LY86: variants seen among roughly 807,000 people sequenced by gnomAD.
LY86 encodes the protein lymphocyte antigen 86.
LY86 carries 20 observed loss-of-function variants against 17.3 expected under a neutral mutation model. The observed-to-expected ratio is 1.15, with a 90% confidence interval of 0.81 to 1.68. The LOEUF is 1.68. Among genes scored for constraint, LY86 ranks in the 40% most tolerant of loss-of-function variants. The probability of loss-of-function intolerance (pLI) is 0.00; values close to 1 mark genes in which losing one functional copy is unlikely to be tolerated. For synonymous variants in LY86, 74 were observed against 70.6 expected, an observed-to-expected ratio of 1.05 and a Z score of -0.24; for missense variants, 200 against 191.9, an observed-to-expected ratio of 1.04 and a Z score of -0.25.
At chr6:6,639,587 G>A (rs570617900) in intron 3 of LY86, among the ~76,000 whole-genome samples, 319 of 152,110 alleles carry the variant, frequency 2.1e-3, no homozygotes, top group Non-Finnish European at 3.8e-3. Flanking sequence ...TGCGTTCCTC[G>A]GCCCGTAGTG....
chr6:6,614,321 G>C (rs1403759590), intron 1 of LY86, among the ~76,000 whole-genome samples: 1 of 151,780 alleles, frequency 6.6e-6, no homozygotes, highest in East Asian at 1.9e-4. Flanking sequence ...GATGTTGCTT[G>C]TCTCTTAAGT....
At chr6:6,647,283 G>C (rs1387067122) in intron 3 of LY86, among the ~76,000 whole-genome samples, 2 of 152,052 alleles carry the variant, frequency 1.3e-5, no homozygotes, top group African/African-American at 4.8e-5. Flanking sequence ...TCCCTCTTCT[G>C]CATCTTCAAT....
At chr6:6,605,997 C>G (rs932916909) in intron 1 of LY86, among the ~76,000 whole-genome samples, 2 of 152,052 alleles carry the variant, frequency 1.3e-5, no homozygotes, top group Non-Finnish European at 2.9e-5. Flanking sequence ...AAATTTACTG[C>G]GAAAAGCAAA....
rs116160173 is a variant in LY86 at position 6,591,776 on chromosome 6, G to T, written c.136+2906G>T. On this transcript the variant is annotated intron_variant, in intron 1 of 4. Transcript: ENST00000230568. ...CAGCCTGCCTGACTCCAGAACCCAT[G>T]CTCTAAAACTCCCTGTGGTCTAGAG... is the stretch of plus-strand genomic sequence containing the variant. 2.4e-3 allele frequency among the ~76,000 whole-genome samples: 366 copies of T among 152,286 alleles called. 1 individual carries two copies. The highest frequency in any genetic ancestry group is 8.4e-3 in the African/African-American group (348 of 41,560).
intron 1 of LY86, among the ~76,000 whole-genome samples, chr6:6,604,427 C>A (rs1044471696): frequency 1.4e-4 from 21 of 151,942 alleles, no homozygotes; most frequent in African/African-American, 5.1e-4. Flanking sequence ...TAAAATGCAA[C>A]ATTTAATTGT....
chr6:6,624,032 A>G (rs1761733983), intron 1 of LY86, among the ~76,000 whole-genome samples: 1 of 152,242 alleles, frequency 6.6e-6, no homozygotes, highest in African/African-American at 2.4e-5. Context: ...TTCACAAAGA[A>G]GATGGGAATG....
chr6:6,641,819 G>T (rs569846852), intron 3 of LY86, among the ~76,000 whole-genome samples: 1 of 152,216 alleles, frequency 6.6e-6, no homozygotes, highest in Non-Finnish European at 1.5e-5. Flanking sequence ...GGGGTGGGTT[G>T]TACACTGGGC....
At chr6:6,636,093 G>A (rs191586039) in intron 3 of LY86, among the ~76,000 whole-genome samples, 2 of 152,272 alleles carry the variant, frequency 1.3e-5, no homozygotes, top group East Asian at 3.9e-4. Context: ...TCGTACATCA[G>A]GTGGGGAGTC....
At chr6:6,625,890 A>C (rs894366514) in intron 2 of LY86, among the ~76,000 whole-genome samples, 1 of 152,234 alleles carries the variant, frequency 6.6e-6, no homozygotes, top group Non-Finnish European at 1.5e-5. Flanking sequence ...CTGTGCTGCA[A>C]TACCTCCCTG....
intron 1 of LY86, among the ~76,000 whole-genome samples, chr6:6,617,814 G>GT (rs928630398): frequency 6.6e-6 from 1 of 152,032 alleles, no homozygotes; most frequent in Non-Finnish European, 1.5e-5. Flanking sequence ...AGTGCATTTG[G>GT]TTTTTTTGTT....
intron 1 of LY86, among the ~76,000 whole-genome samples, chr6:6,612,480 C>A (rs538572040): frequency 6.6e-6 from 1 of 151,928 alleles, no homozygotes; most frequent in African/African-American, 2.4e-5. Flanking sequence ...AATGCAGACC[C>A]AAAGTGTAAA....
intron 3 of LY86, among the ~76,000 whole-genome samples, chr6:6,640,132 A>G (rs1762017253): frequency 6.6e-6 from 1 of 152,074 alleles, no homozygotes; most frequent in Non-Finnish European, 1.5e-5. Context: ...ACCAGAGGAG[A>G]AATGATTTGG....
intron 1 of LY86, among the ~76,000 whole-genome samples, chr6:6,624,481 T>A (rs932280865): frequency 2.6e-5 from 4 of 151,470 alleles, no homozygotes; most frequent in African/African-American, 9.7e-5. Context: ...AGAAAATATT[T>A]TGAGCCTAAG....
chr6:6,612,268 T>C (rs973633267), intron 1 of LY86, among the ~76,000 whole-genome samples: 2 of 152,236 alleles, frequency 1.3e-5, no homozygotes, highest in Non-Finnish European at 2.9e-5. Context: ...TGTTCAGATG[T>C]GTTCTGAGTT....
intron 4 of LY86, among the ~76,000 whole-genome samples, chr6:6,654,295 C>G (rs1396749093): frequency 6.6e-6 from 1 of 152,216 alleles, no homozygotes. Flanking sequence ...CATCCACTCC[C>G]TTCCTGCATG....
chr6:6,612,270 TTC>T (rs796162979), intron 1 of LY86, among the ~76,000 whole-genome samples: 52 of 152,360 alleles, frequency 3.4e-4, no homozygotes, highest in Admixed American at 9.2e-4. Context: ...TTCAGATGTG[TTC>T]TGAGTTTCTT....
intron 3 of LY86, among the ~76,000 whole-genome samples, chr6:6,647,907 C>T (rs1762127907): frequency 6.6e-6 from 1 of 151,824 alleles, no homozygotes; most frequent in Non-Finnish European, 1.5e-5. Flanking sequence ...CTTGTATAGC[C>T]AACTGCTTCC....
At chr6:6,611,493 CTGT>C (rs1382518578) in intron 1 of LY86, among the ~76,000 whole-genome samples, 1 of 152,226 alleles carries the variant, frequency 6.6e-6, no homozygotes, top group Non-Finnish European at 1.5e-5. Context: ...GAAGTGATCA[CTGT>C]TATTACACTC....
chr6:6,614,056 T>C (rs950645983), intron 1 of LY86, among the ~76,000 whole-genome samples: 11 of 152,244 alleles, frequency 7.2e-5, no homozygotes, highest in African/African-American at 2.4e-4. Context: ...CAGCCTGTAT[T>C]GGTTCCCGTG....
Sources: allele counts gnomAD v4.1 joint callset (sites outside exome capture counted in the v4.1 genomes callset), GRCh38; gene constraint gnomAD v4.1.1; transcripts MANE v1.5; gene names NCBI Gene and HGNC (gene_info 2026-07-23, HGNC 2026-07-21).